The following ITGB3 variants were observed in gnomAD, a reference collection of about 807,000 sequenced individuals.
ITGB3 encodes integrin subunit beta 3.
In ITGB3, 48 loss-of-function variants were observed where a neutral mutation model predicts 85.8. The observed-to-expected ratio is 0.56, with a 90% CI of 0.44 to 0.71. ITGB3 has a LOEUF of 0.71. Among genes scored for constraint, ITGB3 ranks in the 30% least tolerant of loss-of-function variants. ITGB3 has a pLI of 0.00. For synonymous variants in ITGB3, 363 were observed against 395.6 expected (o/e 0.92, Z 0.98); for missense variants, 861 against 1,019.1 (o/e 0.84, Z 2.11).
At chr17:47,302,417 A>G (rs2065170491) in intron 12 of ITGB3, among the ~76,000 whole-genome samples, 1 of 152,208 alleles carries the variant, frequency 6.6e-6, no homozygotes, top group African/African-American at 2.4e-5. Context: ...CTTACCCAAG[A>G]TCACACAACG....
chr17:47,308,132 T>G (rs1006483838), intron 14 of ITGB3, among the ~76,000 whole-genome samples: 3 of 143,086 alleles, frequency 2.1e-5, no homozygotes, highest in East Asian at 2.0e-4. Flanking sequence ...CACCCTGCTC[T>G]GGGTGACAGA....
chr17:47,270,758 T>A (rs967237576), intron 1 of ITGB3, among the ~76,000 whole-genome samples: 5 of 152,154 alleles, frequency 3.3e-5, no homozygotes, highest in Admixed American at 2.6e-4. Context: ...AATTTTAAAG[T>A]TGGGCAAGGC....
intron 7 of ITGB3, 55 bp downstream of exon 7, chr17:47,289,831 G>C: frequency 7.9e-7 from 1 of 1,258,688 alleles, no homozygotes; most frequent in Non-Finnish European, 1.2e-6. Context: ...GGTGCCCCAG[G>C]TAGCCAGCCT....
At chr17:47,268,250 C>T (rs1483745754) in intron 1 of ITGB3, among the ~76,000 whole-genome samples, 1 of 152,156 alleles carries the variant, frequency 6.6e-6, no homozygotes, top group Non-Finnish European at 1.5e-5. Flanking sequence ...CATATCATTT[C>T]ACCCCAACCC....
At chr17:47,262,233 A>G (rs2065010963) in intron 1 of ITGB3, among the ~76,000 whole-genome samples, 1 of 152,218 alleles carries the variant, frequency 6.6e-6, no homozygotes, top group Admixed American at 6.5e-5. Flanking sequence ...CCTGCTGTCC[A>G]CACCCATAAC....
intron 6 of ITGB3, among the ~76,000 whole-genome samples, chr17:47,288,790 T>G (rs1464396296): frequency 6.6e-6 from 1 of 152,240 alleles, no homozygotes; most frequent in East Asian, 1.9e-4. Context: ...TATGGTTCTA[T>G]CCTTGGGGAG....
Position 47,313,410 on chromosome 17 carries a change from G to A in ITGB3, c.*3206G>A, listed in dbSNP as rs1214319548. 3.5e-5 allele frequency among the ~76,000 whole-genome samples: 5 copies of A among 141,538 alleles called. No individual in the cohort carries two copies. The highest frequency in any genetic ancestry group is 7.6e-5 in the Non-Finnish European group (5 of 66,152). The allele number at this position is 141,538 out of a possible 152,430, so 92.9% of individuals were successfully genotyped here. A position where few individuals can be genotyped will look rare whatever the true frequency, so the allele number is the denominator to read the frequency against. On this transcript the variant is annotated 3_prime_UTR_variant, in exon 15 of 15. Transcript: ENST00000559488. ...CACCCAGGCTGGAGTGCAGTGGCAC[G>A]ATCTCTGCTCACTGCAAGCTTCGCC...
intron 1 of ITGB3, among the ~76,000 whole-genome samples, chr17:47,260,583 C>T (rs4525555): frequency 0.3 from 46,183 of 152,042 alleles, 7,358 homozygotes; most frequent in East Asian, 0.49. Flanking sequence ...CTGTGAGATC[C>T]ACTGATGGCT....
intron 14 of ITGB3, 107 bp downstream of exon 14, chr17:47,307,744 A>AT: frequency 9.3e-7 from 1 of 1,080,652 alleles, no homozygotes; most frequent in Non-Finnish European, 1.4e-6. Context: ...TCGTCTTTCC[A>AT]TTATCCTCTG....
At chr17:47,286,162 A>G (rs769751770) in intron 4 of ITGB3, 98 bp from the exon 5 acceptor site, 3 of 1,389,256 alleles carry the variant, frequency 2.2e-6, no homozygotes, top group African/African-American at 1.4e-5. Flanking sequence ...TGGCCTTGGC[A>G]TACCACTATC....
chr17:47,284,420 A>G (rs1240648844), intron 3 of ITGB3, 23 bp from the exon 4 acceptor site: 1 of 1,614,084 alleles, frequency 6.2e-7, no homozygotes, highest in African/African-American at 1.3e-5. Context: ...GAAGATAAAA[A>G]CTAACATCTT....
rs188926103 is a variant in ITGB3, at chr17:47,269,083, C to T, written c.80-5336C>T. On this transcript the variant is annotated intron_variant, in intron 1 of 14. Transcript: ENST00000559488. ...TGAGCTCTATGTTGGTCACTTTTAG[C>T]CATGGCTAGAGTGGCTGGGATGCAG... Among the ~76,000 whole-genome samples the T allele has an allele frequency of 8.2e-4, 125 of 152,316 alleles. 1 individual carries two copies. Among genetic ancestry groups the T allele is most frequent in the Admixed American group, 1.6e-3 (24 of 15,304 alleles).
intron 8 of ITGB3, 57 bp downstream of exon 8, chr17:47,290,331 C>A (rs2065120127): frequency 7.1e-7 from 1 of 1,399,826 alleles, no homozygotes; most frequent in South Asian, 1.2e-5. Flanking sequence ...TTGGCTTACA[C>A]AGCAGGGCTC....
intron 3 of ITGB3, among the ~76,000 whole-genome samples, chr17:47,283,842 T>C (rs1466312296): frequency 6.6e-6 from 1 of 152,218 alleles, no homozygotes. Flanking sequence ...GTTTCTTCTT[T>C]ACCCAAGTGC....
intron 1 of ITGB3, among the ~76,000 whole-genome samples, chr17:47,268,920 A>C (rs1195006808): frequency 6.6e-6 from 1 of 152,214 alleles, no homozygotes; most frequent in Non-Finnish European, 1.5e-5. Flanking sequence ...CTGCCTGGAC[A>C]TCCAGGTGTT....
intron 2 of ITGB3, among the ~76,000 whole-genome samples, chr17:47,278,582 TAAA>T (rs57066134): frequency 1.4e-5 from 2 of 145,664 alleles, no homozygotes; most frequent in Admixed American, 6.8e-5. Flanking sequence ...AAACTCCATC[TAAA>T]AAAAAAAAAA....
rs373163926 is a variant in ITGB3 at position 47,311,006 on chromosome 17, TAGA to T, written c.*808_*810del. Reference sequence around the variant, plus strand: ...GGCAGCTCTACTCTGGAGGTTTGTTTAGAAGAAGTGTGTCACCCTTAGGCCAGC... The same window carrying T: ...GGCAGCTCTACTCTGGAGGTTTGTTTAGAAGTGTGTCACCCTTAGGCCAGC... On this transcript the variant is annotated 3_prime_UTR_variant, in exon 15 of 15. Coordinates refer to ENST00000559488, the MANE Select transcript of ITGB3 (RefSeq NM_000212.3). The T allele has an allele frequency of 5.3e-3, 823 of 154,568 alleles. 9 individuals are homozygous for T. Among genetic ancestry groups the T allele is most frequent in the African/African-American group, 0.019 (787 of 41,556 alleles). 9.6% of individuals were successfully genotyped at this position (154,568 alleles called of 1,614,324 possible). A position where few individuals can be genotyped will look rare whatever the true frequency, so the allele number is the denominator to read the frequency against.
intron 1 of ITGB3, among the ~76,000 whole-genome samples, chr17:47,265,776 T>C (rs1383810278): frequency 6.6e-6 from 1 of 152,226 alleles, no homozygotes; most frequent in Non-Finnish European, 1.5e-5. Flanking sequence ...AATACCGTAC[T>C]TAACTGGCTC....
rs886604960 is a variant in ITGB3, at chr17:47,312,288, T to C, written c.*2084T>C. On this transcript the variant is annotated 3_prime_UTR_variant, in exon 15 of 15. Transcript: ENST00000559488. The stretch of plus-strand genomic sequence containing the variant: ...TAGCTGAAATATCTATTCTGTATTA[T>C]TGTGTTAACATTGAGAATAAGCCTT... 1.2e-4 allele frequency among the ~76,000 whole-genome samples: 19 copies of C among 152,246 alleles called. No individual in the cohort carries two copies. Among genetic ancestry groups the C allele is most frequent in the African/African-American group, 4.3e-4 (18 of 41,458 alleles).
Sources: gnomAD v4.1 joint callset for allele counts (sites outside exome capture counted in the v4.1 genomes callset) on GRCh38, gnomAD v4.1.1 for gene constraint, MANE v1.5 for transcripts, NCBI Gene and HGNC (gene_info 2026-07-23, HGNC 2026-07-21) for gene names.